NOVA1: variants seen among roughly 807,000 people sequenced by gnomAD.
NOVA1 encodes RNA-binding protein Nova-1.
A neutral mutation model predicts 38.0 loss-of-function variants in NOVA1; 7 were observed. The observed-to-expected ratio is 0.18, with a 90% CI of 0.10 to 0.35. The LOEUF (loss-of-function observed/expected upper bound fraction) is 0.35. NOVA1 is among the 10% of genes least tolerant of loss of function. The pLI is 1.00. For missense variants in NOVA1, 460 were observed against 616.0 expected (o/e 0.75, Z 2.68); for synonymous variants, 270 against 232.5 (o/e 1.16, Z -1.47).
In NOVA1 at chr14:26,446,207, T is replaced by C. The variant is rs1882054499; in HGVS notation, c.*1752A>G. ...TTACAGTTTGACAGAAATGAATTAT[T>C]AATAGTGGAAGGGGAAGGGATCAGG... On this transcript the variant is annotated 3_prime_UTR_variant, in exon 5 of 5. Coordinates refer to ENST00000539517, the MANE Select transcript of NOVA1 (RefSeq NM_002515.3). 6.6e-6 allele frequency: 1 copy of C among 152,058 alleles called. No homozygotes were observed. The highest frequency in any genetic ancestry group is 1.5e-5 in the Non-Finnish European group (1 of 67,918). 9.4% of individuals were successfully genotyped at this position (152,058 alleles called of 1,614,324 possible). A position where few individuals can be genotyped will look rare whatever the true frequency, so the allele number is the denominator to read the frequency against.
chr14:26,570,470 T>C lies in NOVA1; in HGVS notation c.280+24940A>G, dbSNP rs1892401663. ...ATTAAAAATCCCATCAATGGCAAAA[T>C]TGCAGTTGTCAATATGAATATCTCA... On this transcript the variant is annotated intron_variant, in intron 2 of 4. Transcript: ENST00000539517. Among the ~76,000 whole-genome samples the C allele has an allele frequency of 5.3e-5, 8 of 151,330 alleles. 1 individual carries two copies. The South Asian group carries it at 1.5e-3, about 28-fold the overall frequency.
intron 3 of NOVA1, among the ~76,000 whole-genome samples, chr14:26,477,441 C>A (rs1222977124): frequency 6.6e-6 from 1 of 151,968 alleles, no homozygotes; most frequent in African/African-American, 2.4e-5. Flanking sequence ...GGCCATTGTG[C>A]TAAATTTCAT....
At chr14:26,508,618 A>G (rs559936007) in intron 2 of NOVA1, among the ~76,000 whole-genome samples, 1 of 151,974 alleles carries the variant, frequency 6.6e-6, no homozygotes, top group African/African-American at 2.4e-5. Flanking sequence ...ACACTAGACA[A>G]TGTAAACATT....
chr14:26,480,166 C>A (rs771035509), intron 2 of NOVA1, 23 bp from the exon 3 acceptor site: 2 of 1,577,492 alleles, frequency 1.3e-6, no homozygotes, highest in African/African-American at 1.4e-5. Flanking sequence ...CATTGATTTT[C>A]AGAAAATATT....
intron 2 of NOVA1, among the ~76,000 whole-genome samples, chr14:26,489,806 A>T (rs951900179): frequency 6.6e-6 from 1 of 152,140 alleles, no homozygotes. Context: ...ACTGCACTCC[A>T]GCCTGGGCAA....
At position 26,454,651 on chromosome 14, in the gene NOVA1, G is replaced by A. The variant is rs2300923; in HGVS notation, c.520-5688C>T. 1.6e-3 allele frequency among the ~76,000 whole-genome samples: 241 copies of A among 152,142 alleles called. 7 individuals carry two copies. The East Asian group carries it at 0.037, about 23-fold the overall frequency. On this transcript the variant is annotated intron_variant, in intron 4 of 4. Coordinates refer to ENST00000539517, the MANE Select transcript of NOVA1 (RefSeq NM_002515.3). ...TTGAGGGCTTCTATAATTTGTAACTGACCAAAAAGTACCTTTGAAAATATT... is the reference window on the plus strand; with the variant it reads ...TTGAGGGCTTCTATAATTTGTAACTAACCAAAAAGTACCTTTGAAAATATT...
intron 2 of NOVA1, among the ~76,000 whole-genome samples, chr14:26,482,428 A>C (rs1420977253): frequency 6.6e-6 from 1 of 152,172 alleles, no homozygotes; most frequent in Non-Finnish European, 1.5e-5. Context: ...CGTAATTTTT[A>C]GGAGAAAGTC....
At chr14:26,504,767 G>A (rs1396442961) in intron 2 of NOVA1, among the ~76,000 whole-genome samples, 6 of 106,442 alleles carry the variant, frequency 5.6e-5, no homozygotes, top group Non-Finnish European at 1.4e-4. Flanking sequence ...ATGAACAAAC[G>A]ACAGTAAGTT....
Position 26,451,121 on chromosome 14 carries a change from ATTATT to A in NOVA1, c.520-2163_520-2159del, listed in dbSNP as rs1475899734. ...TGTTAATAAAAGGTAATGAAATTTT[ATTATT>A]TTATAACATTCACTCTATGAAATGT... On this transcript the variant is annotated intron_variant, in intron 4 of 4. Coordinates refer to ENST00000539517, the MANE Select transcript of NOVA1 (RefSeq NM_002515.3). 2.6e-5 allele frequency among the ~76,000 whole-genome samples: 4 copies of A among 152,156 alleles called. 1 individual carries two copies. The highest frequency in any genetic ancestry group is 5.9e-5 in the Non-Finnish European group (4 of 68,014).
At chr14:26,523,156 T>G (rs191082401) in intron 2 of NOVA1, among the ~76,000 whole-genome samples, 170 of 152,342 alleles carry the variant, frequency 1.1e-3, no homozygotes, top group African/African-American at 4.0e-3. Flanking sequence ...CTTTCCTTAC[T>G]TGGCCAACAA....
intron 2 of NOVA1, among the ~76,000 whole-genome samples, chr14:26,541,674 T>C (rs781130807): frequency 6.6e-6 from 1 of 151,006 alleles, no homozygotes. Context: ...CCTAAGTCGA[T>C]GTTCACCTTA....
At chr14:26,571,663 G>A (rs897359217) in intron 2 of NOVA1, among the ~76,000 whole-genome samples, 1 of 152,174 alleles carries the variant, frequency 6.6e-6, no homozygotes. Flanking sequence ...TTTTAACTGT[G>A]TAGTAGAAGA....
intron 1 of NOVA1, among the ~76,000 whole-genome samples, chr14:26,596,318 A>G (rs1325826947): frequency 1.3e-5 from 2 of 152,232 alleles, no homozygotes; most frequent in African/African-American, 4.8e-5. Context: ...CAAAACAGGT[A>G]ATGTTCCTTT....
chr14:26,461,787 T>C (rs866692931), intron 4 of NOVA1, among the ~76,000 whole-genome samples: 1 of 87,240 alleles, frequency 1.1e-5, no homozygotes, highest in African/African-American at 3.7e-5. Flanking sequence ...AAAAAAAAAA[T>C]TTGCCAGGCA....
intron 2 of NOVA1, among the ~76,000 whole-genome samples, chr14:26,520,472 C>G (rs1270783279): frequency 6.6e-6 from 1 of 152,148 alleles, no homozygotes; most frequent in Non-Finnish European, 1.5e-5. Context: ...AGCACTTCAG[C>G]ACTGCACTTG....
At chr14:26,570,738 G>A (rs1892423225) in intron 2 of NOVA1, among the ~76,000 whole-genome samples, 1 of 152,082 alleles carries the variant, frequency 6.6e-6, no homozygotes, top group Non-Finnish European at 1.5e-5. Flanking sequence ...TCTTTTAATA[G>A]GTCATGAAGC....
Position 26,446,459 on chromosome 14 carries a change from G to C in NOVA1, c.*1500C>G, listed in dbSNP as rs1321487513. ...TGCCATTTAGCTTGCTAGGATGGAC[G>C]TAATCAATGGGTTGAAGTTGAGATG... On this transcript the variant is annotated 3_prime_UTR_variant, in exon 5 of 5. Coordinates refer to ENST00000539517, the MANE Select transcript of NOVA1 (RefSeq NM_002515.3). 1 of 152,700 alleles carries C rather than the reference G, an allele frequency of 6.5e-6. No individual in the cohort carries two copies. The highest frequency in any genetic ancestry group is 1.5e-5 in the Non-Finnish European group (1 of 68,072). The allele number at this position is 152,700 out of a possible 1,614,324, so 9.5% of individuals were successfully genotyped here. A position where few individuals can be genotyped will look rare whatever the true frequency, so the allele number is the denominator to read the frequency against.
At chr14:26,455,454 A>G (rs565195252) in intron 4 of NOVA1, among the ~76,000 whole-genome samples, 3 of 152,230 alleles carry the variant, frequency 2.0e-5, no homozygotes, top group Non-Finnish European at 4.4e-5. Flanking sequence ...AAATCAGGCA[A>G]CTTAGTGAGA....
chr14:26,476,038 C>T (rs1884958325), intron 3 of NOVA1, among the ~76,000 whole-genome samples: 1 of 152,146 alleles, frequency 6.6e-6, no homozygotes, highest in Non-Finnish European at 1.5e-5. Context: ...AAGTAATCAC[C>T]TTCCCAATCC....
Sources: gnomAD v4.1 joint callset for allele counts (sites outside exome capture counted in the v4.1 genomes callset) on GRCh38, gnomAD v4.1.1 for gene constraint, MANE v1.5 for transcripts, NCBI Gene and HGNC (gene_info 2026-07-23, HGNC 2026-07-21) for gene names.